Variants in POU2F2 observed in about 807,000 individuals in gnomAD.
The protein encoded by POU2F2 is POU domain, class 2, transcription factor 2.
POU2F2 carries 14 observed loss-of-function variants against 63.5 expected under a neutral mutation model. The ratio of observed to expected loss-of-function variants is 0.22; its 90% CI spans 0.15 to 0.34. POU2F2 has a LOEUF of 0.34. Ranked by LOEUF, POU2F2 falls within the 10% of genes least tolerant of loss-of-function variation. POU2F2 has a pLI of 1.00. For synonymous variants in POU2F2, 306 were observed against 348.6 expected (o/e 0.88, Z 1.36); for missense variants, 607 against 815.2 (o/e 0.74, Z 3.11).
In POU2F2 at chr19:42,092,927, GTTTTATGTGTATATA is replaced by G. The variant is rs1056319012; in HGVS notation, c.1265-672_1265-658del. On this transcript the variant is annotated intron_variant, in intron 12 of 14. Transcript: ENST00000692977. The surrounding 1 kb of genome is among the most constrained non-coding windows in gnomAD (Gnocchi z 5.0). Reference sequence around the variant, plus strand: ...CTAGCCTGGGGAGGGGCAACGTGTTGTTTTATGTGTATATATATTATGTGTATATATATTATGCAT... The same window carrying G: ...CTAGCCTGGGGAGGGGCAACGTGTTGTATTATGTGTATATATATTATGCAT... Among the ~76,000 whole-genome samples, 8 of 138,280 alleles carry G rather than the reference GTTTTATGTGTATATA, an allele frequency of 5.8e-5. No homozygotes were observed. The highest frequency in any genetic ancestry group is 6.2e-5 in the Non-Finnish European group (4 of 64,254). The allele number at this position is 138,280 out of a possible 152,430, so 90.7% of individuals were successfully genotyped here. A position where few individuals can be genotyped will look rare whatever the true frequency, so the allele number is the denominator to read the frequency against.
intron 5 of POU2F2, among the ~76,000 whole-genome samples, chr19:42,113,814 G>T (rs1393454259): frequency 6.6e-6 from 1 of 152,148 alleles, no homozygotes; most frequent in African/African-American, 2.4e-5. Context: ...GGGGGTGGAG[G>T]TCATGAGATG....
rs1273107656 is a variant in POU2F2, at chr19:42,092,138, T to G, written c.1397A>C (p.Asn466Thr). Residue 466 changes from asparagine to threonine, a missense_variant, in exon 13 of 15, where the codon AAC becomes ACC. This residue lies in a region of POU2F2 where 270 missense variants were observed against 307.5 expected (regional missense o/e 0.88). Coordinates refer to ENST00000692977, the MANE Select transcript of POU2F2 (RefSeq NM_001394376.1). The surrounding 1 kb of genome is among the most constrained non-coding windows in gnomAD (Gnocchi z 5.0). Reference sequence around the variant, plus strand: ...GCCTTGAGGGCTGGGGTTTGTGCTGTTGGTGGTGGCCGGGGGTGGGGGAGT... The same window carrying G: ...GCCTTGAGGGCTGGGGTTTGTGCTGGTGGTGGTGGCCGGGGGTGGGGGAGT... ...SVTPPPPATT[N>T]STNPSPQGSH... is the part of the protein sequence containing the mutation. 6.3e-7 allele frequency: 1 copy of G among 1,586,162 alleles called. No homozygotes were observed.
chr19:42,122,242 AC>A (rs2032709877), intron 3 of POU2F2, 60 bp from the exon 4 acceptor site: 9 of 1,567,246 alleles, frequency 5.7e-6, no homozygotes, highest in Admixed American at 1.7e-5. Flanking sequence ...GCTTCTGACC[AC>A]CCCCGCTCCC....
intron 1 of POU2F2, among the ~76,000 whole-genome samples, chr19:42,193,912 G>T (rs939489556): frequency 6.6e-6 from 1 of 152,140 alleles, no homozygotes; most frequent in African/African-American, 2.4e-5. Context: ...TCATACAATG[G>T]AGTACCATGA....
At position 42,091,930 on chromosome 19, in the gene POU2F2, C is replaced by T; in HGVS notation, c.1477G>A (p.Val493Met). The change falls in exon 14 of 15, where the codon GTG (valine) becomes ATG (methionine). Residue 493 changes from valine (V) to methionine (M), a missense_variant. Around this residue, in one of 7 missense-constraint regions of POU2F2, gnomAD observed 270 missense variants for 307.5 expected, o/e 0.88. Transcript: ENST00000692977. ...GLNPSTGSTM[V>M]GLSSGLSPAL... ...GGACTCAGCCCGGAGCTCAACCCCA[C>T]CATTGTGCTTCTGCAAGAGGCAAAG... 1.3e-6 allele frequency: 2 copies of T among 1,541,550 alleles called. No homozygotes were observed. Among genetic ancestry groups the T allele is most frequent in the Non-Finnish European group, 1.7e-6 (2 of 1,145,594 alleles).
intron 1 of POU2F2, among the ~76,000 whole-genome samples, chr19:42,192,947 G>A (rs966341488): frequency 2.6e-5 from 4 of 152,064 alleles, no homozygotes; most frequent in Non-Finnish European, 1.5e-5. Flanking sequence ...AAAGCCAGGC[G>A]CGGTGGCTCA....
intron 1 of POU2F2, among the ~76,000 whole-genome samples, chr19:42,192,704 C>G (rs1003823962): frequency 6.6e-5 from 10 of 152,162 alleles, no homozygotes; most frequent in African/African-American, 2.4e-4. Flanking sequence ...AGACCTCCTA[C>G]TCCTCATTCA....
chr19:42,097,671 A>C (rs1405772901), intron 7 of POU2F2, among the ~76,000 whole-genome samples: 1 of 152,012 alleles, frequency 6.6e-6, no homozygotes, highest in Non-Finnish European at 1.5e-5. Context: ...TTAACCAAGC[A>C]TGTGGGGCGT....
rs1173620132 is a variant in POU2F2 at position 42,096,869 on chromosome 19, G to A, written c.568-626C>T. ...CTGGTTGGGGATGTAGATGATGCAG[G>A]AAGCTGTGCATGTGTAGGGGCAGAG... On this transcript the variant is annotated intron_variant, in intron 7 of 14. Coordinates refer to ENST00000692977, the MANE Select transcript of POU2F2 (RefSeq NM_001394376.1). This position sits in a 1 kb window ranked among gnomAD's most constrained non-coding sequence, Gnocchi z 4.1. Among the ~76,000 whole-genome samples, 5 of 152,206 alleles carry A rather than the reference G, an allele frequency of 3.3e-5. No individual in the cohort carries two copies. Among genetic ancestry groups the A allele is most frequent in the Non-Finnish European group, 7.3e-5 (5 of 68,044 alleles).
At chr19:42,143,396 C>T (rs2034167913) in intron 2 of POU2F2, among the ~76,000 whole-genome samples, 1 of 152,182 alleles carries the variant, frequency 6.6e-6, no homozygotes, top group Admixed American at 6.5e-5. Flanking sequence ...AACGTCTTGT[C>T]CAATGACTGT....
chr19:42,126,471 G>A (rs1348122629), intron 1 of POU2F2, among the ~76,000 whole-genome samples: 1 of 151,748 alleles, frequency 6.6e-6, no homozygotes, highest in East Asian at 1.9e-4. Context: ...GAAAAAGAGG[G>A]AATTAGGTCA....
At chr19:42,112,164 G>A (rs1364372541) in intron 5 of POU2F2, among the ~76,000 whole-genome samples, 1 of 152,220 alleles carries the variant, frequency 6.6e-6, no homozygotes, top group Admixed American at 6.5e-5. Flanking sequence ...CCAAGGCCCT[G>A]TGGATGAACT....
chr19:42,180,382 A>AC (rs2034947366), upstream of POU2F2, among the ~76,000 whole-genome samples: 1 of 152,206 alleles, frequency 6.6e-6, no homozygotes, highest in South Asian at 2.1e-4. Flanking sequence ...AGAACTCAAA[A>AC]AAGGGTGTAT....
At chr19:42,195,674 C>T (rs2035135747) in intron 1 of POU2F2, among the ~76,000 whole-genome samples, 2 of 148,554 alleles carry the variant, frequency 1.3e-5, no homozygotes, top group Admixed American at 6.7e-5. Flanking sequence ...TCTTTCCCTC[C>T]CTCCCTTTCT....
At chr19:42,129,143 G>A (rs984047283) in intron 1 of POU2F2, among the ~76,000 whole-genome samples, 1 of 152,016 alleles carries the variant, frequency 6.6e-6, no homozygotes, top group African/African-American at 2.4e-5. Context: ...CCCTCCTGGT[G>A]ATTCTAATGT....
chr19:42,190,412 C>T (rs1479582172), intron 1 of POU2F2, among the ~76,000 whole-genome samples: 6 of 151,922 alleles, frequency 3.9e-5, no homozygotes, highest in African/African-American at 1.5e-4. Flanking sequence ...TGTAGGGATG[C>T]TCAAGGGAGA....
chr19:42,183,732 G>C (rs559719367), intron 1 of POU2F2, among the ~76,000 whole-genome samples: 2 of 152,192 alleles, frequency 1.3e-5, no homozygotes, highest in Admixed American at 1.3e-4. Context: ...TGATGCCTGA[G>C]ATAAGACCTG....
Position 42,089,665 on chromosome 19 carries a change from C to T in POU2F2, c.*1592G>A, listed in dbSNP as rs1024770054. 64 of 151,314 alleles carry T rather than the reference C, an allele frequency of 4.2e-4. No individual in the cohort carries two copies. The highest frequency in any genetic ancestry group is 7.1e-4 in the Non-Finnish European group (48 of 67,780). 9.4% of individuals were successfully genotyped at this position (151,314 alleles called of 1,614,324 possible). On this transcript the variant is annotated 3_prime_UTR_variant, in exon 15 of 15. Transcript: ENST00000692977. The stretch of plus-strand genomic sequence containing the variant: ...CCGGTGCAGGGGCTTGGCTCCGCCT[C>T]GCGGTTCCATCTTATTCTTGAAGAG...
intron 2 of POU2F2, among the ~76,000 whole-genome samples, chr19:42,144,604 C>T (rs1232358830): frequency 2.0e-5 from 3 of 152,266 alleles, no homozygotes; most frequent in Admixed American, 2.0e-4. Context: ...CTCGATGCTC[C>T]AGGCCCCTAG....
Sources: gnomAD v4.1 joint callset for allele counts (sites outside exome capture counted in the v4.1 genomes callset) on GRCh38, gnomAD v4.1.1 for gene constraint, gnomAD v4.1.1 regional missense constraint, Gnocchi (gnomAD v3.1) non-coding constraint, MANE v1.5 for transcripts, NCBI Gene and HGNC (gene_info 2026-07-23, HGNC 2026-07-21) for gene names.